The following ADAMTS6 variants were observed in gnomAD, a reference collection of about 807,000 sequenced individuals.
The protein encoded by ADAMTS6 is A disintegrin and metalloproteinase with thrombospondin motifs 6.
ADAMTS6 carries 23 observed loss-of-function variants against 144.3 expected under a neutral mutation model. That is an observed-to-expected ratio of 0.16 (90% confidence interval 0.11 to 0.23). The LOEUF (loss-of-function observed/expected upper bound fraction) is 0.23, where lower values mean the gene tolerates loss of function less well. Among genes scored for constraint, ADAMTS6 ranks in the 10% least tolerant of loss-of-function variants. ADAMTS6 has a pLI of 1.00. For missense variants in ADAMTS6, 999 were observed against 1,379.6 expected (o/e 0.72, Z 4.37); for synonymous variants, 444 against 457.5 (o/e 0.97, Z 0.38).
At chr5:65,357,317 A>C (rs1305543181) in intron 7 of ADAMTS6, among the ~76,000 whole-genome samples, 1 of 151,834 alleles carries the variant, frequency 6.6e-6, no homozygotes, top group African/African-American at 2.4e-5. Context: ...CATTTGTAAG[A>C]TGTAATGTGA....
intron 7 of ADAMTS6, among the ~76,000 whole-genome samples, chr5:65,400,646 C>T (rs766906288): frequency 2.6e-5 from 4 of 152,004 alleles, no homozygotes; most frequent in Non-Finnish European, 4.4e-5. Flanking sequence ...ATTTCCATTC[C>T]TTTTTCTTTT....
rs753738494 is a variant in ADAMTS6, at chr5:65,151,801, G to A, written c.*35C>T. ...TCTTTGATGGATGCATTTCCATGAT[G>A]AAATGACAAGGCACTCTCTCTGGCT... On this transcript the variant is annotated 3_prime_UTR_variant, in exon 25 of 25. Transcript: ENST00000381055. The A allele has an allele frequency of 4.5e-6, 7 of 1,567,248 alleles. No individual in the cohort carries two copies. Among genetic ancestry groups the A allele is most frequent in the African/African-American group, 1.4e-5 (1 of 73,874 alleles).
intron 7 of ADAMTS6, among the ~76,000 whole-genome samples, chr5:65,423,169 G>A (rs1580673436): frequency 6.6e-6 from 1 of 152,292 alleles, no homozygotes; most frequent in Admixed American, 6.5e-5. Flanking sequence ...GATTCAGAAG[G>A]GGGAAGGATA....
chr5:65,383,308 A>G (rs988702310), intron 7 of ADAMTS6, among the ~76,000 whole-genome samples: 7 of 152,168 alleles, frequency 4.6e-5, no homozygotes, highest in African/African-American at 1.7e-4. Flanking sequence ...GTGAGACTCA[A>G]GGTTTGACTC....
intron 15 of ADAMTS6, among the ~76,000 whole-genome samples, chr5:65,229,254 G>C (rs1279994933): frequency 6.6e-6 from 1 of 152,172 alleles, no homozygotes; most frequent in African/African-American, 2.4e-5. Context: ...GTGTGGAGTA[G>C]GGACATCCAT....
In ADAMTS6 at chr5:65,252,399, G is replaced by A. The variant is rs575922819; in HGVS notation, c.1830+8201C>T. Among the ~76,000 whole-genome samples, 18 of 151,126 alleles carry A rather than the reference G, an allele frequency of 1.2e-4. No homozygotes were observed. The South Asian group carries it at 3.1e-3, about 26-fold the overall frequency. On this transcript the variant is annotated intron_variant, in intron 14 of 24. Transcript: ENST00000381055. The stretch of plus-strand genomic sequence containing the variant: ...TGGGATCACAGGCGCCCGCAACCAC[G>A]CCCGGCTAATTTTTTGTATTTTTAG...
chr5:65,383,039 A>G (rs1179467058), intron 7 of ADAMTS6, among the ~76,000 whole-genome samples: 4 of 152,134 alleles, frequency 2.6e-5, no homozygotes, highest in Admixed American at 6.5e-5. Flanking sequence ...TAAGGGCACT[A>G]ATTGCATTCA....
chr5:65,271,224 C>T (rs1026002455), intron 12 of ADAMTS6, among the ~76,000 whole-genome samples: 1 of 151,760 alleles, frequency 6.6e-6, no homozygotes, highest in African/African-American at 2.4e-5. Context: ...CCCATCTCTA[C>T]TAAAAATACA....
intron 7 of ADAMTS6, among the ~76,000 whole-genome samples, chr5:65,372,629 G>C (rs1046972101): frequency 6.6e-6 from 1 of 151,226 alleles, no homozygotes; most frequent in African/African-American, 2.4e-5. Flanking sequence ...GACCTACAAA[G>C]AGACTTAGAC....
chr5:65,235,757 T>A (rs1457753938), intron 15 of ADAMTS6, among the ~76,000 whole-genome samples: 1 of 152,192 alleles, frequency 6.6e-6, no homozygotes, highest in East Asian at 1.9e-4. Flanking sequence ...TCGTGTGAAC[T>A]AATACTTAAT....
At chr5:65,343,553 T>C (rs1748055059) in intron 7 of ADAMTS6, among the ~76,000 whole-genome samples, 1 of 152,028 alleles carries the variant, frequency 6.6e-6, no homozygotes, top group South Asian at 2.1e-4. Context: ...TCAAAATTGA[T>C]CAAAGACCTA....
chr5:65,415,112 T>TA (rs1755392705), intron 7 of ADAMTS6, among the ~76,000 whole-genome samples: 1 of 152,150 alleles, frequency 6.6e-6, no homozygotes, highest in South Asian at 2.1e-4. Flanking sequence ...CAAATTTATT[T>TA]AAAAAACTAT....
At chr5:65,377,666 A>T (rs1034043373) in intron 7 of ADAMTS6, among the ~76,000 whole-genome samples, 3 of 152,096 alleles carry the variant, frequency 2.0e-5, no homozygotes, top group Non-Finnish European at 2.9e-5. Context: ...GTGTTGATAA[A>T]TTTTTTCCAG....
In ADAMTS6 at chr5:65,303,384, T is replaced by C. The variant is rs534234514; in HGVS notation, c.1224-3253A>G. Among the ~76,000 whole-genome samples, 3 of 152,252 alleles carry C rather than the reference T, an allele frequency of 2.0e-5. No individual in the cohort carries two copies. In the East Asian group the frequency reaches 5.8e-4, roughly 29 times the overall value. ...CTGCCTCATTATAGCAATACAGAGA[T>C]AAATGCAATAATTGAAAAAATACAT... is the stretch of plus-strand genomic sequence containing the variant. On this transcript the variant is annotated intron_variant, in intron 9 of 24. Transcript: ENST00000381055.
intron 3 of ADAMTS6, among the ~76,000 whole-genome samples, chr5:65,464,868 G>A (rs1759882655): frequency 6.6e-6 from 1 of 152,088 alleles, no homozygotes. Flanking sequence ...ATCCCCATGA[G>A]GTCCCATAAT....
chr5:65,263,617 T>C (rs998021231), intron 12 of ADAMTS6, among the ~76,000 whole-genome samples: 3 of 152,104 alleles, frequency 2.0e-5, no homozygotes, highest in African/African-American at 7.2e-5. Context: ...TCAGCTCTAC[T>C]CTCCGTAATA....
At chr5:65,205,259 C>T (rs1265719853) in intron 20 of ADAMTS6, among the ~76,000 whole-genome samples, 2 of 152,062 alleles carry the variant, frequency 1.3e-5, no homozygotes, top group African/African-American at 2.4e-5. Context: ...TTATTACGTC[C>T]GTAAAACATA....
intron 11 of ADAMTS6, among the ~76,000 whole-genome samples, chr5:65,276,390 A>C (rs555454225): frequency 4.6e-5 from 7 of 152,338 alleles, no homozygotes; most frequent in African/African-American, 1.7e-4. Flanking sequence ...GTCATGGAGA[A>C]GGCTCTGAAG....
chr5:65,220,888 T>C (rs1757278198), intron 18 of ADAMTS6, among the ~76,000 whole-genome samples: 1 of 152,174 alleles, frequency 6.6e-6, no homozygotes, highest in African/African-American at 2.4e-5. Flanking sequence ...AGACAAATTT[T>C]CAGTACGGAA....
Sources: allele counts gnomAD v4.1 joint callset (sites outside exome capture counted in the v4.1 genomes callset), GRCh38; gene constraint gnomAD v4.1.1; transcripts MANE v1.5; gene names NCBI Gene and HGNC (gene_info 2026-07-23, HGNC 2026-07-21).